TMEM178B: variants seen among roughly 807,000 people sequenced by gnomAD.
TMEM178B encodes transmembrane protein 178B.
Under a neutral mutation model 31.0 loss-of-function variants are expected in TMEM178B, and 5 were observed. The observed-to-expected ratio is 0.16, with a 90% confidence interval of 0.08 to 0.34. The LOEUF (loss-of-function observed/expected upper bound fraction) is 0.34. TMEM178B is among the 10% of genes least tolerant of loss of function. TMEM178B has a pLI of 1.00. For missense variants in TMEM178B, 275 were observed against 400.3 expected, an observed-to-expected ratio of 0.69 and a Z score of 2.67; for synonymous variants, 164 against 164.0, an observed-to-expected ratio of 1.00 and a Z score of 0.00.
chr7:141,279,106 G>A (rs1263288986), intron 2 of TMEM178B, among the ~76,000 whole-genome samples: 3 of 152,292 alleles, frequency 2.0e-5, no homozygotes, highest in Admixed American at 6.5e-5. Context: ...GCTGACCGTC[G>A]ATGGGTCCTT....
At position 141,324,438 on chromosome 7, in the gene TMEM178B, T is replaced by G. The variant is rs1011292239; in HGVS notation, c.496+111734T>G. On this transcript the variant is annotated intron_variant, in intron 2 of 3. Transcript: ENST00000565468. ...AGGGTTTTTTTTTTTTTTTTTTTTTTTTTTTTTTTTTTTTTCCTGAGCGAT... is the reference window on the plus strand; with the variant it reads ...AGGGTTTTTTTTTTTTTTTTTTTTTGTTTTTTTTTTTTTTTCCTGAGCGAT... Among the ~76,000 whole-genome samples the G allele has an allele frequency of 7.0e-4, 88 of 125,658 alleles. 3 individuals are homozygous for G. The South Asian group carries it at 0.024, about 34-fold the overall frequency. The allele number at this position is 125,658 out of a possible 152,430, so 82.4% of individuals were successfully genotyped here. A position where few individuals can be genotyped will look rare whatever the true frequency, so the allele number is the denominator to read the frequency against.
intron 1 of TMEM178B, among the ~76,000 whole-genome samples, chr7:141,146,277 G>T (rs529501340): frequency 6.6e-6 from 1 of 152,288 alleles, no homozygotes; most frequent in South Asian, 2.1e-4. Flanking sequence ...TCCCCAGAGG[G>T]CCTGTTACTT....
chr7:141,303,545 G>A (rs545204788), intron 2 of TMEM178B, among the ~76,000 whole-genome samples: 3 of 152,306 alleles, frequency 2.0e-5, no homozygotes, highest in East Asian at 1.9e-4. Context: ...TGAGAGGAGC[G>A]CCATGCTCAG....
the TMEM178B span, among the ~76,000 whole-genome samples, chr7:141,510,685 CAAAAAAAAAAAAAAAAAAAAAA>C: frequency 8.0e-5 from 2 of 24,956 alleles, no homozygotes; most frequent in Non-Finnish European, 1.3e-4. Context: ...AACTCCGTCT[CAAAAAAAAAAAAAAAAAAAAAA>C]AAAAAGAAAA....
chr7:141,193,598 G>A (rs1368882168), intron 1 of TMEM178B, among the ~76,000 whole-genome samples: 1 of 152,236 alleles, frequency 6.6e-6, no homozygotes, highest in African/African-American at 2.4e-5. Context: ...AGCACAGTGT[G>A]CAGGGAGGCC....
chr7:141,116,978 T>C (rs1222768090), intron 1 of TMEM178B, among the ~76,000 whole-genome samples: 1 of 152,228 alleles, frequency 6.6e-6, no homozygotes, highest in African/African-American at 2.4e-5. Flanking sequence ...AATAAACTTG[T>C]GAGCATGTTG....
At chr7:141,367,972 A>G (rs569641534) in intron 2 of TMEM178B, among the ~76,000 whole-genome samples, 7 of 152,216 alleles carry the variant, frequency 4.6e-5, no homozygotes, top group Admixed American at 6.5e-5. Context: ...CCAAGACCCA[A>G]GAGAAGGAGG....
At chr7:141,421,465 T>C (rs1245346517) in intron 2 of TMEM178B, among the ~76,000 whole-genome samples, 1 of 152,150 alleles carries the variant, frequency 6.6e-6, no homozygotes, top group Non-Finnish European at 1.5e-5. Context: ...CAAAGGGCTT[T>C]CACAGATCTC....
At chr7:141,270,575 TG>T (rs1461409346) in intron 2 of TMEM178B, among the ~76,000 whole-genome samples, 1 of 152,232 alleles carries the variant, frequency 6.6e-6, no homozygotes, top group African/African-American at 2.4e-5. Flanking sequence ...ATGATTGTTT[TG>T]TTGCTCTTCT....
intron 1 of TMEM178B, among the ~76,000 whole-genome samples, chr7:141,194,757 A>T (rs1796754937): frequency 6.6e-6 from 1 of 151,936 alleles, no homozygotes; most frequent in African/African-American, 2.4e-5. Flanking sequence ...TCCCTTACAC[A>T]CTGCCCTAGC....
At chr7:141,247,762 T>C (rs141398176) in intron 2 of TMEM178B, among the ~76,000 whole-genome samples, 1 of 152,320 alleles carries the variant, frequency 6.6e-6, no homozygotes, top group Non-Finnish European at 1.5e-5. Flanking sequence ...TACATTTGCA[T>C]TGCAGGTAAA....
chr7:141,384,070 T>G (rs1036770874), intron 2 of TMEM178B, among the ~76,000 whole-genome samples: 2 of 152,202 alleles, frequency 1.3e-5, no homozygotes, highest in African/African-American at 4.8e-5. Context: ...GGGTTGTTTG[T>G]TTTTTTCCTG....
intron 2 of TMEM178B, among the ~76,000 whole-genome samples, chr7:141,292,035 G>A (rs1395399967): frequency 6.7e-6 from 1 of 150,260 alleles, no homozygotes; most frequent in East Asian, 2.0e-4. Flanking sequence ...ACAGCATTCT[G>A]CTTTGTCAGG....
chr7:141,114,809 A>C (rs1423312950), intron 1 of TMEM178B, among the ~76,000 whole-genome samples: 1 of 152,250 alleles, frequency 6.6e-6, no homozygotes, highest in African/African-American at 2.4e-5. Context: ...AGGCAGGGGA[A>C]TAAAGAATGT....
chr7:141,336,112 C>T (rs1188423749), intron 2 of TMEM178B, among the ~76,000 whole-genome samples: 4 of 152,240 alleles, frequency 2.6e-5, no homozygotes, highest in East Asian at 1.9e-4. Flanking sequence ...GTCGCTGTTA[C>T]GTGCCAACTG....
At chr7:141,233,343 A>G (rs1256612228) in intron 2 of TMEM178B, among the ~76,000 whole-genome samples, 1 of 152,234 alleles carries the variant, frequency 6.6e-6, no homozygotes, top group Non-Finnish European at 1.5e-5. Context: ...GGATTAGCTC[A>G]AAGCCTAATG....
intron 1 of TMEM178B, among the ~76,000 whole-genome samples, chr7:141,123,951 C>T (rs56264155): frequency 1.3e-5 from 2 of 152,112 alleles, no homozygotes; most frequent in African/African-American, 2.4e-5. Context: ...GACAAGGTTT[C>T]GCCATGTTGC....
At chr7:141,432,248 G>A (rs1300243745) in intron 2 of TMEM178B, among the ~76,000 whole-genome samples, 1 of 140,866 alleles carries the variant, frequency 7.1e-6, no homozygotes, top group Non-Finnish European at 1.5e-5. Context: ...TCCACCTCCT[G>A]GGTTCAAGCA....
chr7:141,403,753 T>C (rs1800829653), intron 2 of TMEM178B, among the ~76,000 whole-genome samples: 1 of 152,216 alleles, frequency 6.6e-6, no homozygotes, highest in African/African-American at 2.4e-5. Flanking sequence ...AAAATTCCTG[T>C]CCCTGGCAAG....
Sources: allele counts gnomAD v4.1 joint callset (sites outside exome capture counted in the v4.1 genomes callset), GRCh38; gene constraint gnomAD v4.1.1; transcripts MANE v1.5; gene names NCBI Gene and HGNC (gene_info 2026-07-23, HGNC 2026-07-21).